Variants in SLC22A15 observed in about 807,000 individuals in gnomAD.
The protein encoded by SLC22A15 is flipt 1.
A neutral mutation model predicts 62.7 loss-of-function variants in SLC22A15; 45 were observed. The observed-to-expected ratio is 0.72, with a 90% CI of 0.56 to 0.92. The LOEUF is 0.92. Ranked by LOEUF, SLC22A15 falls within the 40% of genes least tolerant of loss-of-function variation. The probability of loss-of-function intolerance (pLI) is 0.00; values close to 1 mark genes in which losing one functional copy is unlikely to be tolerated. For missense variants in SLC22A15, 622 were observed against 665.6 expected, an observed-to-expected ratio of 0.93 and a Z score of 0.72; for synonymous variants, 264 against 267.0, an observed-to-expected ratio of 0.99 and a Z score of 0.11.
At chr1:115,981,956 T>G (rs1328874551) in intron 1 of SLC22A15, among the ~76,000 whole-genome samples, 1 of 152,244 alleles carries the variant, frequency 6.6e-6, no homozygotes, top group African/African-American at 2.4e-5. Flanking sequence ...GCAATTGTTA[T>G]TAGGCAAATG....
intron 8 of SLC22A15, among the ~76,000 whole-genome samples, chr1:116,046,570 A>T (rs900395777): frequency 1.2e-4 from 18 of 152,172 alleles, no homozygotes; most frequent in African/African-American, 3.9e-4. Flanking sequence ...TGCTGCTCTG[A>T]CTCAGATGAA....
chr1:116,027,221 C>A (rs1042596548), intron 5 of SLC22A15, 199 bp downstream of exon 5: 6 of 653,558 alleles, frequency 9.2e-6, no homozygotes, highest in Non-Finnish European at 1.4e-5. Context: ...ATGCAGGTAT[C>A]CCTTGTTTAA....
intron 5 of SLC22A15, among the ~76,000 whole-genome samples, chr1:116,027,899 A>G (rs895204802): frequency 1.3e-5 from 2 of 152,210 alleles, no homozygotes; most frequent in African/African-American, 2.4e-5. Flanking sequence ...TGCTGGGATT[A>G]CAGGCGTGAG....
rs1248625341 is a variant in SLC22A15, at chr1:116,020,792, C to T, written c.505C>T (p.Arg169Cys). 5 of 1,613,790 alleles carry T rather than the reference C, an allele frequency of 3.1e-6. No individual in the cohort carries two copies. Among genetic ancestry groups the T allele is most frequent in the Non-Finnish European group, 3.4e-6 (4 of 1,179,780 alleles). ...CTCATATGAGTTCTTTGCAGTAACT[C>T]GCTTCCTGGTGGGCATGATGAATGG... Reference protein sequence around the residue: ...SPSYEFFAVTRFLVGMMNGGM... With the variant: ...SPSYEFFAVTCFLVGMMNGGM... Residue 169 changes from arginine to cysteine, a missense_variant, in exon 4 of 12, where the codon CGC becomes TGC. By Grantham distance (180) the Arg-to-Cys change is radical. Transcript: ENST00000369503.
At chr1:116,037,471 G>A (rs1232339392) in intron 8 of SLC22A15, 83 bp downstream of exon 8, 8 of 1,004,118 alleles carry the variant, frequency 8.0e-6, no homozygotes, top group Non-Finnish European at 1.1e-5. Context: ...ATGACCATAT[G>A]GCATGCTTCA....
intron 2 of SLC22A15, among the ~76,000 whole-genome samples, chr1:116,018,707 T>C (rs1656670608): frequency 6.6e-6 from 1 of 152,204 alleles, no homozygotes; most frequent in Admixed American, 6.5e-5. Context: ...TGTATAGTGA[T>C]CAAATAAGGG....
intron 4 of SLC22A15, among the ~76,000 whole-genome samples, chr1:116,021,842 C>T (rs368166446): frequency 1.4e-4 from 21 of 152,334 alleles, no homozygotes; most frequent in African/African-American, 4.8e-4. Context: ...TGATAACTGA[C>T]AGGGCCAGAA....
At chr1:116,020,593 A>C (rs915440081) in intron 3 of SLC22A15, 128 bp from the exon 4 acceptor site, 37 of 809,750 alleles carry the variant, frequency 4.6e-5, no homozygotes, top group Admixed American at 7.2e-5. Context: ...ACAAAAAGAA[A>C]CCCACAAAAA....
At chr1:116,027,444 C>T (rs1657150678) in intron 5 of SLC22A15, 1 of 479,062 alleles carries the variant, frequency 2.1e-6, no homozygotes, top group Non-Finnish European at 4.3e-6. Context: ...CATTTCAGGG[C>T]CTCTAAACAT....
intron 8 of SLC22A15, among the ~76,000 whole-genome samples, chr1:116,055,824 A>C (rs1181655540): frequency 6.9e-6 from 1 of 144,676 alleles, no homozygotes; most frequent in East Asian, 2.0e-4. Flanking sequence ...ATCTCAATAG[A>C]TGCAGAAAAG....
intron 2 of SLC22A15, among the ~76,000 whole-genome samples, chr1:116,002,899 T>C (rs1655806835): frequency 6.6e-6 from 1 of 152,128 alleles, no homozygotes; most frequent in Non-Finnish European, 1.5e-5. Context: ...CTCTCCTTTC[T>C]TCTAGCGAAG....
chr1:116,017,087 C>T (rs1312798536), intron 2 of SLC22A15, among the ~76,000 whole-genome samples: 1 of 152,152 alleles, frequency 6.6e-6, no homozygotes, highest in East Asian at 1.9e-4. Context: ...TAATTTCATA[C>T]CACCTCCACT....
chr1:115,983,270 T>G (rs565455329), intron 1 of SLC22A15, among the ~76,000 whole-genome samples: 4 of 152,248 alleles, frequency 2.6e-5, no homozygotes, highest in Non-Finnish European at 5.9e-5. Flanking sequence ...TCTTTTAAAA[T>G]TATGAGACAT....
chr1:115,995,528 G>A (rs1221473528), intron 2 of SLC22A15, among the ~76,000 whole-genome samples: 1 of 152,192 alleles, frequency 6.6e-6, no homozygotes, highest in African/African-American at 2.4e-5. Context: ...TGGGATTATA[G>A]GTGTGAGCTA....
intron 2 of SLC22A15, among the ~76,000 whole-genome samples, chr1:115,995,184 G>A (rs1655360463): frequency 6.6e-6 from 1 of 152,034 alleles, no homozygotes. Context: ...GCCCTTAGTG[G>A]TGATGTTAAT....
At chr1:115,979,610 A>T (rs557667783) in intron 1 of SLC22A15, among the ~76,000 whole-genome samples, 6 of 152,306 alleles carry the variant, frequency 3.9e-5, no homozygotes, top group African/African-American at 1.4e-4. Flanking sequence ...TCTATTTAGC[A>T]TATTACTGTT....
chr1:116,044,622 G>A (rs903854565), intron 8 of SLC22A15, among the ~76,000 whole-genome samples: 16 of 152,102 alleles, frequency 1.1e-4, no homozygotes, highest in Admixed American at 6.5e-4. Context: ...ACTACATTAT[G>A]ATCACCTTCA....
At chr1:116,039,914 A>G (rs1657736131) in intron 8 of SLC22A15, among the ~76,000 whole-genome samples, 1 of 152,224 alleles carries the variant, frequency 6.6e-6, no homozygotes, top group East Asian at 1.9e-4. Context: ...GTACATATAA[A>G]GAAAATGACC....
intron 7 of SLC22A15, among the ~76,000 whole-genome samples, 180 bp downstream of exon 7, chr1:116,035,507 G>T (rs1657602203): frequency 2.0e-5 from 3 of 152,090 alleles, no homozygotes; most frequent in Non-Finnish European, 4.4e-5. Flanking sequence ...CTTAGTGCAG[G>T]ATTTCTTGAG....
Sources: gnomAD v4.1 joint callset for allele counts (sites outside exome capture counted in the v4.1 genomes callset) on GRCh38, gnomAD v4.1.1 for gene constraint, MANE v1.5 for transcripts, NCBI Gene and HGNC (gene_info 2026-07-23, HGNC 2026-07-21) for gene names.